The following RTN4RL1 variants were observed in gnomAD, a reference collection of about 807,000 sequenced individuals.
The protein encoded by RTN4RL1 is reticulon 4 receptor like 1.
A neutral mutation model predicts 25.6 loss-of-function variants in RTN4RL1; 7 were observed. The ratio of observed to expected loss-of-function variants is 0.27; its 90% CI spans 0.16 to 0.51. The LOEUF (loss-of-function observed/expected upper bound fraction) is 0.51, where lower values mean the gene tolerates loss of function less well. RTN4RL1 is among the 20% of genes least tolerant of loss of function. The probability of loss-of-function intolerance (pLI) is 0.97; values close to 1 mark genes in which losing one functional copy is unlikely to be tolerated. For synonymous variants in RTN4RL1, 297 were observed against 288.2 expected (o/e 1.03, Z -0.31); for missense variants, 500 against 615.6 (o/e 0.81, Z 1.99).
chr17:1,939,773 G>T (rs1235599183), intron 1 of RTN4RL1, among the ~76,000 whole-genome samples: 1 of 152,166 alleles, frequency 6.6e-6, no homozygotes, highest in Non-Finnish European at 1.5e-5. Flanking sequence ...CAGGGTCCCA[G>T]CTGCCCCAGG....
intron 1 of RTN4RL1, among the ~76,000 whole-genome samples, chr17:1,948,111 C>T (rs1488460577): frequency 6.6e-6 from 1 of 152,210 alleles, no homozygotes; most frequent in Non-Finnish European, 1.5e-5. Context: ...AAAGACCTGA[C>T]ATATCAGATG....
intron 1 of RTN4RL1, among the ~76,000 whole-genome samples, chr17:1,992,734 A>G (rs376120354): frequency 6.6e-6 from 1 of 152,254 alleles, no homozygotes; most frequent in Non-Finnish European, 1.5e-5. Context: ...GTTCCCACTT[A>G]GCACAGCTTG....
At chr17:2,019,204 C>T (rs1258269196) in intron 1 of RTN4RL1, 1 of 152,218 alleles carries the variant, frequency 6.6e-6, no homozygotes, top group East Asian at 1.9e-4. Context: ...GCCACTGCAC[C>T]CCGAGGAAAG....
At chr17:1,945,305 C>T (rs767480313) in intron 1 of RTN4RL1, among the ~76,000 whole-genome samples, 2 of 152,204 alleles carry the variant, frequency 1.3e-5, no homozygotes, top group Non-Finnish European at 2.9e-5. Flanking sequence ...TCACTGTAAC[C>T]TCCACCTCCC....
chr17:1,987,783 T>G (rs2066893239), intron 1 of RTN4RL1, among the ~76,000 whole-genome samples: 1 of 148,058 alleles, frequency 6.8e-6, no homozygotes, highest in Non-Finnish European at 1.5e-5. Flanking sequence ...TTTCCACACA[T>G]TATCCCACAA....
intron 1 of RTN4RL1, among the ~76,000 whole-genome samples, chr17:1,970,957 G>A (rs1689613798): frequency 6.6e-6 from 1 of 152,232 alleles, no homozygotes; most frequent in Non-Finnish European, 1.5e-5. Context: ...CACTTCTGCA[G>A]TATATTAATG....
intron 1 of RTN4RL1, among the ~76,000 whole-genome samples, chr17:2,004,747 C>T (rs138388755): frequency 1.3e-5 from 2 of 152,342 alleles, no homozygotes; most frequent in Non-Finnish European, 2.9e-5. Flanking sequence ...CTCCACCCTA[C>T]GTGACCTGTC....
intron 1 of RTN4RL1, among the ~76,000 whole-genome samples, chr17:1,993,316 C>T (rs900050602): frequency 1.3e-5 from 2 of 152,112 alleles, no homozygotes; most frequent in African/African-American, 4.8e-5. Flanking sequence ...AGAACTGACA[C>T]ACCCAAAAAA....
At chr17:1,961,798 A>AAAAAAAAAAAAAG (rs2066763310) in intron 1 of RTN4RL1, among the ~76,000 whole-genome samples, 1 of 133,816 alleles carries the variant, frequency 7.5e-6, no homozygotes, top group Non-Finnish European at 1.6e-5. Flanking sequence ...AAAAAAAAAA[A>AAAAAAAAAAAAAG]TTAGCAGGGC....
intron 1 of RTN4RL1, among the ~76,000 whole-genome samples, chr17:1,956,655 T>C (rs78471829): frequency 0.01 from 1,564 of 151,982 alleles, 24 homozygotes; most frequent in African/African-American, 0.036. Context: ...ATGGCAGAAA[T>C]TGGTAACAGT....
intron 1 of RTN4RL1, among the ~76,000 whole-genome samples, chr17:1,940,908 G>A (rs1308038263): frequency 5.3e-5 from 8 of 152,168 alleles, no homozygotes; most frequent in Admixed American, 3.3e-4. Flanking sequence ...TTTTGGGGAC[G>A]GGGCCACAGC....
At chr17:1,999,758 T>G (rs924311480) in intron 1 of RTN4RL1, among the ~76,000 whole-genome samples, 1 of 152,228 alleles carries the variant, frequency 6.6e-6, no homozygotes, top group African/African-American at 2.4e-5. Context: ...CCTCCAGCCC[T>G]GCTCCTATTT....
At chr17:1,975,040 C>T (rs538216336) in intron 1 of RTN4RL1, among the ~76,000 whole-genome samples, 5 of 152,334 alleles carry the variant, frequency 3.3e-5, no homozygotes, top group Admixed American at 1.3e-4. Flanking sequence ...GCCCCCACTG[C>T]CCTGAGTGTT....
intron 1 of RTN4RL1, among the ~76,000 whole-genome samples, chr17:1,974,370 G>A (rs145280097): frequency 1.7e-4 from 26 of 152,272 alleles, no homozygotes; most frequent in South Asian, 4.1e-4. Flanking sequence ...CAGCCTGGGC[G>A]ACAGAGCAAG....
intron 1 of RTN4RL1, among the ~76,000 whole-genome samples, chr17:1,977,147 A>G (rs2066845751): frequency 6.6e-6 from 1 of 152,202 alleles, no homozygotes; most frequent in Admixed American, 6.5e-5. Context: ...TTTAAAATAC[A>G]TTTATCTAAG....
intron 1 of RTN4RL1, among the ~76,000 whole-genome samples, chr17:1,953,283 G>A (rs1197423177): frequency 6.6e-6 from 1 of 151,892 alleles, no homozygotes; most frequent in African/African-American, 2.4e-5. Flanking sequence ...GCATGCACCT[G>A]TAGTCCCAGC....
At chr17:2,021,982 T>C (rs62066906) in intron 1 of RTN4RL1, among the ~76,000 whole-genome samples, 42,033 of 149,196 alleles carry the variant, frequency 0.28, 6,204 homozygotes, top group East Asian at 0.53. Context: ...CCTCAGCCTC[T>C]CAAGTAGCTG....
chr17:1,993,026 T>C (rs2066916065), intron 1 of RTN4RL1, among the ~76,000 whole-genome samples: 1 of 152,152 alleles, frequency 6.6e-6, no homozygotes, highest in Non-Finnish European at 1.5e-5. Flanking sequence ...GTGGATCGCC[T>C]GAGGTCAGCA....
intron 1 of RTN4RL1, among the ~76,000 whole-genome samples, chr17:1,966,030 G>A (rs570335341): frequency 6.6e-6 from 1 of 152,262 alleles, no homozygotes; most frequent in East Asian, 1.9e-4. Flanking sequence ...CACATCACGA[G>A]CGGCTCTGGA....
Sources: gnomAD v4.1 joint callset for allele counts (sites outside exome capture counted in the v4.1 genomes callset) on GRCh38, gnomAD v4.1.1 for gene constraint, MANE v1.5 for transcripts, NCBI Gene and HGNC (gene_info 2026-07-23, HGNC 2026-07-21) for gene names.